The following GRIN3A variants were observed in gnomAD, a reference collection of about 807,000 sequenced individuals.
GRIN3A encodes the protein glutamate ionotropic receptor NMDA type subunit 3A, also known as glutamate receptor ionotropic, NMDA 3A.
In GRIN3A, 47 loss-of-function variants were observed where a neutral mutation model predicts 92.4. The observed-to-expected ratio is 0.51, with a 90% CI of 0.40 to 0.65. The LOEUF (loss-of-function observed/expected upper bound fraction) is 0.65. GRIN3A is among the 30% of genes least tolerant of loss of function. The pLI is 0.00. For missense variants in GRIN3A, 1,324 were observed against 1,393.1 expected, an observed-to-expected ratio of 0.95 and a Z score of 0.79; for synonymous variants, 527 against 540.6, an observed-to-expected ratio of 0.97 and a Z score of 0.35.
chr9:101,658,782 G>C (rs372928884), intron 3 of GRIN3A, among the ~76,000 whole-genome samples: 3 of 133,428 alleles, frequency 2.2e-5, no homozygotes, highest in African/African-American at 8.9e-5. Context: ...ATCTATCTAT[G>C]TATCTATCCA....
chr9:101,686,903 C>T lies in GRIN3A; in HGVS notation c.997G>A (p.Glu333Lys). 1 of 1,614,238 alleles carries T rather than the reference C, an allele frequency of 6.2e-7. No individual in the cohort carries two copies. The highest frequency in any genetic ancestry group is 1.6e-4 in the Middle Eastern group (1 of 6,062). ...PTVVMFGCDM[E>K]SIRRIFEITT... is the part of the protein sequence containing the mutation. ...ATTTCGAAAATCCGCCGGATACTTT[C>T]CATGTCGCAGCCAAACATCACCACT... Residue 333 changes from glutamate (E) to lysine (K), a missense_variant, in exon 2 of 9, where the codon GAA becomes AAA. Coordinates refer to ENST00000361820, the MANE Select transcript of GRIN3A (RefSeq NM_133445.3).
intron 1 of GRIN3A, among the ~76,000 whole-genome samples, chr9:101,712,434 A>G (rs902655868): frequency 2.0e-5 from 3 of 152,212 alleles, no homozygotes; most frequent in Non-Finnish European, 2.9e-5. Context: ...AGCTGCTTCA[A>G]AGTTACAGAA....
chr9:101,720,357 A>C (rs1829997072), intron 1 of GRIN3A, among the ~76,000 whole-genome samples: 1 of 152,200 alleles, frequency 6.6e-6, no homozygotes, highest in African/African-American at 2.4e-5. Context: ...GTAGGCTCTC[A>C]ATAAAAACCA....
At chr9:101,611,426 T>G (rs1330579600) in intron 6 of GRIN3A, among the ~76,000 whole-genome samples, 4 of 152,176 alleles carry the variant, frequency 2.6e-5, no homozygotes, top group Admixed American at 2.0e-4. Flanking sequence ...TCCTTTTAAC[T>G]TCACTAACTA....
chr9:101,678,314 A>G (rs1403544103), intron 2 of GRIN3A, among the ~76,000 whole-genome samples: 1 of 152,110 alleles, frequency 6.6e-6, no homozygotes, highest in African/African-American at 2.4e-5. Context: ...CTTTCAATAC[A>G]TTTTCCTCCT....
At chr9:101,621,381 A>T (rs1828552462) in intron 5 of GRIN3A, among the ~76,000 whole-genome samples, 1 of 151,998 alleles carries the variant, frequency 6.6e-6, no homozygotes, top group Non-Finnish European at 1.5e-5. Flanking sequence ...CGTGTAATTT[A>T]TACGTATCCT....
chr9:101,650,850 G>T (rs1226757606), intron 3 of GRIN3A, among the ~76,000 whole-genome samples: 1 of 151,880 alleles, frequency 6.6e-6, no homozygotes, highest in Non-Finnish European at 1.5e-5. Context: ...TCAAAGGTTG[G>T]TTCCTGGGTA....
At chr9:101,661,322 G>A (rs1016606075) in intron 3 of GRIN3A, among the ~76,000 whole-genome samples, 13 of 151,782 alleles carry the variant, frequency 8.6e-5, no homozygotes, top group African/African-American at 2.9e-4. Flanking sequence ...AAAATATGAG[G>A]TAGAAATAAT....
At chr9:101,722,726 C>G (rs747615956) in intron 1 of GRIN3A, among the ~76,000 whole-genome samples, 3 of 152,170 alleles carry the variant, frequency 2.0e-5, no homozygotes, top group Non-Finnish European at 4.4e-5. Context: ...CCTGTAACCC[C>G]TTTGTTTTGG....
Position 101,660,794 on chromosome 9 carries a change from G to T in GRIN3A, c.2352+9266C>A, listed in dbSNP as rs1259680383. On this transcript the variant is annotated intron_variant, in intron 3 of 8. Transcript: ENST00000361820. The stretch of plus-strand genomic sequence containing the variant: ...GGGTTTTTCTCCTATTTGTTCCACA[G>T]CATCTAGTATAAGAATGATTTTGAA... 3.3e-5 allele frequency among the ~76,000 whole-genome samples: 5 copies of T among 151,548 alleles called. No individual in the cohort carries two copies. In the Admixed American group the frequency reaches 3.3e-4, roughly 10 times the overall value.
At chr9:101,602,673 G>C in intron 6 of GRIN3A, among the ~76,000 whole-genome samples, 1 of 152,238 alleles carries the variant, frequency 6.6e-6, no homozygotes. Flanking sequence ...TTATGCCCAA[G>C]TATCTCTGGC....
chr9:101,659,338 A>G (rs996496290), intron 3 of GRIN3A, among the ~76,000 whole-genome samples: 20 of 151,322 alleles, frequency 1.3e-4, no homozygotes, highest in African/African-American at 4.8e-4. Flanking sequence ...CTTATGACAC[A>G]TTTATTGACA....
chr9:101,631,944 C>T (rs1453758927), intron 3 of GRIN3A, among the ~76,000 whole-genome samples: 1 of 152,182 alleles, frequency 6.6e-6, no homozygotes, highest in East Asian at 1.9e-4. Context: ...ATGTCCCTCA[C>T]TTGCTTAATG....
Position 101,572,327 on chromosome 9 carries a change from C to T in GRIN3A, c.*847G>A, listed in dbSNP as rs1827772140. The T allele has an allele frequency of 6.6e-6, 1 of 152,644 alleles. No individual in the cohort carries two copies. The highest frequency in any genetic ancestry group is 2.4e-5 in the African/African-American group (1 of 41,442). The allele number at this position is 152,644 out of a possible 1,614,324, so 9.5% of individuals were successfully genotyped here. A position where few individuals can be genotyped will look rare whatever the true frequency, so the allele number is the denominator to read the frequency against. On this transcript the variant is annotated 3_prime_UTR_variant, in exon 9 of 9. Coordinates refer to ENST00000361820, the MANE Select transcript of GRIN3A (RefSeq NM_133445.3). ...ACCTAAGGCCACAACCTTGCTTTGC[C>T]TTTTTCTCTCTTTTCCTTTATAAAA...
rs554875182 is a variant in GRIN3A, at chr9:101,613,052, T to G, written c.2766+324A>C. On this transcript the variant is annotated intron_variant, in intron 6 of 8. Coordinates refer to ENST00000361820, the MANE Select transcript of GRIN3A (RefSeq NM_133445.3). The stretch of plus-strand genomic sequence containing the variant: ...ATCAATTAACGATTAAATCAAACAC[T>G]GTTCATGTCAATCTCAGATACTATT... 1.6e-4 allele frequency among the ~76,000 whole-genome samples: 25 copies of G among 152,358 alleles called. No homozygotes were observed. In the South Asian group the frequency reaches 5.0e-3, roughly 30 times the overall value.
At chr9:101,707,680 T>C (rs1345862321) in intron 1 of GRIN3A, among the ~76,000 whole-genome samples, 1 of 152,224 alleles carries the variant, frequency 6.6e-6, no homozygotes, top group Non-Finnish European at 1.5e-5. Flanking sequence ...TCTAACACTA[T>C]ATATGCCTAA....
At chr9:101,714,138 C>T (rs191559947) in intron 1 of GRIN3A, among the ~76,000 whole-genome samples, 27 of 152,054 alleles carry the variant, frequency 1.8e-4, no homozygotes, top group Admixed American at 6.6e-4. Context: ...AAATAAAGGA[C>T]GCATTATGAA....
At chr9:101,604,136 G>T (rs1443347131) in intron 6 of GRIN3A, among the ~76,000 whole-genome samples, 1 of 152,074 alleles carries the variant, frequency 6.6e-6, no homozygotes, top group Non-Finnish European at 1.5e-5. Context: ...TTTGCTAATG[G>T]ATGGATGGGA....
chr9:101,587,309 C>CAAA (rs113147915), intron 6 of GRIN3A, among the ~76,000 whole-genome samples: 4 of 99,818 alleles, frequency 4.0e-5, no homozygotes, highest in Admixed American at 1.1e-4. Flanking sequence ...GACTCCATCT[C>CAAA]AAAAAAAAAA....
Sources: allele counts gnomAD v4.1 joint callset (sites outside exome capture counted in the v4.1 genomes callset), GRCh38; gene constraint gnomAD v4.1.1; transcripts MANE v1.5; gene names NCBI Gene and HGNC (gene_info 2026-07-23, HGNC 2026-07-21).